MAP4: variants seen among roughly 807,000 people sequenced by gnomAD.
MAP4 encodes the protein microtubule associated protein 4.
A neutral mutation model predicts 170.2 loss-of-function variants in MAP4; 76 were observed. That is an observed-to-expected ratio of 0.45 (90% CI 0.37 to 0.54). The LOEUF is 0.54. Among genes scored for constraint, MAP4 ranks in the 20% least tolerant of loss-of-function variants. MAP4 has a pLI of 0.00. For synonymous variants in MAP4, 909 were observed against 994.5 expected, an observed-to-expected ratio of 0.91 and a Z score of 1.62; for missense variants, 2,506 against 2,748.0, an observed-to-expected ratio of 0.91 and a Z score of 1.97.
chr3:47,986,494 C>T (rs1012832520), intron 2 of MAP4, among the ~76,000 whole-genome samples: 2 of 152,040 alleles, frequency 1.3e-5, no homozygotes, highest in Admixed American at 6.5e-5. Context: ...GCGCATGCCA[C>T]CACACCTGGC....
At chr3:48,021,958 A>C (rs2100110771) in intron 1 of MAP4, among the ~76,000 whole-genome samples, 1 of 152,210 alleles carries the variant, frequency 6.6e-6, no homozygotes, top group South Asian at 2.1e-4. Flanking sequence ...AAAGAGGCCA[A>C]TGTACTTGGT....
chr3:47,974,138 A>G (rs923576038), intron 3 of MAP4: 6 of 984,782 alleles, frequency 6.1e-6, no homozygotes, highest in Non-Finnish European at 7.2e-6. Flanking sequence ...AAAACAATGT[A>G]TATCTGGCCA....
chr3:47,880,405 G>A (rs1447350324), intron 10 of MAP4, among the ~76,000 whole-genome samples: 1 of 150,628 alleles, frequency 6.6e-6, no homozygotes, highest in Admixed American at 6.6e-5. Flanking sequence ...ACCACACCTG[G>A]CTGACAATTA....
intron 10 of MAP4, among the ~76,000 whole-genome samples, chr3:47,887,037 C>T (rs2097705775): frequency 6.6e-6 from 1 of 152,250 alleles, no homozygotes; most frequent in Non-Finnish European, 1.5e-5. Context: ...GAGGTGACAG[C>T]GTGCTGGCAG....
chr3:47,907,575 C>T (rs911473260), intron 9 of MAP4, among the ~76,000 whole-genome samples: 4 of 152,170 alleles, frequency 2.6e-5, no homozygotes, highest in African/African-American at 9.7e-5. Flanking sequence ...CTGACCTGAC[C>T]CAGGCAGGGC....
intron 1 of MAP4, among the ~76,000 whole-genome samples, chr3:48,005,881 G>A (rs1210825698): frequency 6.6e-6 from 1 of 152,212 alleles, no homozygotes; most frequent in African/African-American, 2.4e-5. Flanking sequence ...AATACGAGGG[G>A]AATAACTGGA....
chr3:48,024,319 TAATA>T (rs904707915), intron 1 of MAP4, among the ~76,000 whole-genome samples: 3 of 151,896 alleles, frequency 2.0e-5, no homozygotes, highest in Non-Finnish European at 2.9e-5. Flanking sequence ...TTAAAAAAAA[TAATA>T]AATAAAAAAA....
At chr3:48,005,312 G>A (rs1056491674) in intron 1 of MAP4, among the ~76,000 whole-genome samples, 2 of 144,334 alleles carry the variant, frequency 1.4e-5, no homozygotes, top group Admixed American at 1.4e-4. Context: ...AGTGAGCTGA[G>A]ATTGTGCCAC....
At chr3:48,087,913 C>G (rs1275190504) in intron 1 of MAP4, among the ~76,000 whole-genome samples, 1 of 152,122 alleles carries the variant, frequency 6.6e-6, no homozygotes, top group African/African-American at 2.4e-5. Context: ...CACTAACCTT[C>G]GCGAGGAACA....
In MAP4 at chr3:47,933,375, C is replaced by A. The variant is rs1393096325; in HGVS notation, c.293-5025G>T. On this transcript the variant is annotated intron_variant, in intron 3 of 20. Transcript: ENST00000683076. ...TCGACTCCGTAATTTTACTAAGAAT[C>A]ATTTACTTCCACACTTACAACAGGT... Among the ~76,000 whole-genome samples, 3 of 152,146 alleles carry A rather than the reference C, an allele frequency of 2.0e-5. No homozygotes were observed. In the South Asian group the frequency reaches 6.2e-4, roughly 31 times the overall value.
chr3:48,005,847 G>A (rs1052319197), intron 1 of MAP4, among the ~76,000 whole-genome samples: 12 of 152,182 alleles, frequency 7.9e-5, no homozygotes, highest in Admixed American at 2.0e-4. Context: ...GGTGAGAACC[G>A]CAGTCACTCA....
chr3:47,955,923 CAAGAAT>C (rs946024525), intron 3 of MAP4, among the ~76,000 whole-genome samples: 6 of 152,120 alleles, frequency 3.9e-5, no homozygotes, highest in African/African-American at 1.4e-4. Flanking sequence ...CTTTAGCAAG[CAAGAAT>C]AAGAGAATCA....
upstream of MAP4, among the ~76,000 whole-genome samples, chr3:48,017,906 T>G (rs116159781): frequency 3.8e-3 from 574 of 152,242 alleles, 4 homozygotes; most frequent in African/African-American, 0.013. Flanking sequence ...TTTCCACAGA[T>G]AGCAGGAGGG....
In MAP4 at chr3:48,088,747, C is replaced by T. The variant is rs1182261385; in HGVS notation, c.-20+26G>A. On this transcript the variant is annotated intron_variant, in intron 1 of 18. Coordinates refer to the MAP4 transcript ENST00000360240. The stretch of plus-strand genomic sequence containing the variant: ...ACAGTGAGGAGGCCGCCCCTCCAAT[C>T]GGACCCCGCCTGCGGCTGCACCTAC... 3 of 152,858 alleles carry T rather than the reference C, an allele frequency of 2.0e-5. No individual in the cohort carries two copies. The East Asian group carries it at 5.7e-4, about 29-fold the overall frequency. 9.5% of individuals were successfully genotyped at this position (152,858 alleles called of 1,614,324 possible).
chr3:48,080,220 T>A (rs574249612), intron 1 of MAP4, among the ~76,000 whole-genome samples: 247 of 152,282 alleles, frequency 1.6e-3, no homozygotes, highest in African/African-American at 5.7e-3. Flanking sequence ...CTTTCTAAAA[T>A]GACAAATCTG....
intron 10 of MAP4, among the ~76,000 whole-genome samples, chr3:47,899,598 G>T (rs2100028941): frequency 6.6e-6 from 1 of 152,226 alleles, no homozygotes; most frequent in East Asian, 1.9e-4. Context: ...GCTTCTAGAA[G>T]GTAGGAATGT....
At chr3:48,035,939 C>T (rs1247211749) in intron 1 of MAP4, among the ~76,000 whole-genome samples, 1 of 151,878 alleles carries the variant, frequency 6.6e-6, no homozygotes, top group Non-Finnish European at 1.5e-5. Context: ...GACTCCATCC[C>T]CCCCTCTCAA....
chr3:47,913,029 AC>A (rs1443357138), intron 8 of MAP4, among the ~76,000 whole-genome samples: 2 of 152,234 alleles, frequency 1.3e-5, no homozygotes, highest in African/African-American at 4.8e-5. Context: ...TGATTCCAGA[AC>A]CAGAGCATCC....
intron 1 of MAP4, among the ~76,000 whole-genome samples, chr3:48,023,448 A>C (rs570739944): frequency 5.3e-5 from 8 of 152,352 alleles, no homozygotes; most frequent in African/African-American, 1.7e-4. Flanking sequence ...GGAAAGATGG[A>C]GATGACTCCA....
Sources: allele counts gnomAD v4.1 joint callset (sites outside exome capture counted in the v4.1 genomes callset), GRCh38; gene constraint gnomAD v4.1.1; transcripts MANE v1.5; gene names NCBI Gene and HGNC (gene_info 2026-07-23, HGNC 2026-07-21).